Variants in ANO3 observed in about 807,000 individuals in gnomAD.
The protein encoded by ANO3 is anoctamin 3.
In ANO3, 99 loss-of-function variants were observed where a neutral mutation model predicts 144.8. The ratio of observed to expected loss-of-function variants is 0.68; its 90% CI spans 0.58 to 0.81. The LOEUF (loss-of-function observed/expected upper bound fraction) is 0.81. Among genes scored for constraint, ANO3 ranks in the 30% least tolerant of loss-of-function variants. The pLI, the probability that ANO3 is intolerant of heterozygous loss-of-function variation, is 0.00. For missense variants in ANO3, 905 were observed against 1,202.2 expected (o/e 0.75, Z 3.66); for synonymous variants, 414 against 392.6 (o/e 1.05, Z -0.64).
chr11:26,257,454 A>C (rs111537027), intron 1 of ANO3, among the ~76,000 whole-genome samples: 4,051 of 152,108 alleles, frequency 0.027, 169 homozygotes, highest in African/African-American at 0.092. Flanking sequence ...GGCCCTGCAC[A>C]CTCAATGGTT....
At chr11:26,268,184 T>C (rs1853356771) in intron 1 of ANO3, among the ~76,000 whole-genome samples, 1 of 152,190 alleles carries the variant, frequency 6.6e-6, no homozygotes, top group South Asian at 2.1e-4. Context: ...CAATATTTGT[T>C]TCAAGGTCAT....
chr11:26,383,075 G>A (rs1590313242), intron 1 of ANO3, among the ~76,000 whole-genome samples: 1 of 152,104 alleles, frequency 6.6e-6, no homozygotes, highest in Non-Finnish European at 1.5e-5. Context: ...ATGAAGTTAA[G>A]TCTGTATCCA....
At chr11:26,535,756 G>T (rs1849493546) in intron 9 of ANO3, among the ~76,000 whole-genome samples, 1 of 150,880 alleles carries the variant, frequency 6.6e-6, no homozygotes, top group Non-Finnish European at 1.5e-5. Flanking sequence ...CTAATTTTTT[G>T]TATTTTTTAG....
chr11:26,362,875 A>C (rs1321338246), intron 1 of ANO3, among the ~76,000 whole-genome samples: 2 of 152,220 alleles, frequency 1.3e-5, no homozygotes, highest in Non-Finnish European at 2.9e-5. Flanking sequence ...AATGTTTAAT[A>C]AATATTTCTT....
chr11:26,622,545 G>A (rs1173395561), intron 17 of ANO3, among the ~76,000 whole-genome samples: 1 of 152,116 alleles, frequency 6.6e-6, no homozygotes, highest in Non-Finnish European at 1.5e-5. Context: ...AGTTTAGGAT[G>A]CAGTGAGTTG....
intron 3 of ANO3, among the ~76,000 whole-genome samples, chr11:26,461,701 C>T (rs1859402042): frequency 6.6e-6 from 1 of 151,988 alleles, no homozygotes; most frequent in African/African-American, 2.4e-5. Context: ...CAAGCATGCG[C>T]TTTGGAATCA....
intron 4 of ANO3, among the ~76,000 whole-genome samples, chr11:26,481,938 A>G (rs1158538628): frequency 6.6e-6 from 1 of 151,934 alleles, no homozygotes; most frequent in African/African-American, 2.4e-5. Context: ...CTTCACCTAT[A>G]CTGGAGTGCC....
At chr11:26,413,216 C>T (rs972083771) in intron 1 of ANO3, among the ~76,000 whole-genome samples, 3 of 151,974 alleles carry the variant, frequency 2.0e-5, no homozygotes, top group African/African-American at 4.8e-5. Context: ...ATGAAGGAAA[C>T]GCTGCCTGGT....
At chr11:26,465,124 TTGTGTGTGTGTGTG>T (rs36230269) in intron 4 of ANO3, among the ~76,000 whole-genome samples, 12 of 145,400 alleles carry the variant, frequency 8.3e-5, no homozygotes, top group South Asian at 2.2e-4. Context: ...CATCATTAAA[TTGTGTGTGTGTGTG>T]TGTGTGTGTG....
intron 1 of ANO3, among the ~76,000 whole-genome samples, chr11:26,231,138 A>T (rs1392295527): frequency 6.6e-6 from 1 of 152,024 alleles, no homozygotes; most frequent in East Asian, 1.9e-4. Flanking sequence ...TGGCCTCCCA[A>T]AGTGCTGGGA....
chr11:26,510,361 C>T (rs1408825080), intron 5 of ANO3, among the ~76,000 whole-genome samples: 2 of 151,842 alleles, frequency 1.3e-5, no homozygotes, highest in African/African-American at 2.4e-5. Context: ...AAGTTTAACC[C>T]AGAATATTCC....
intron 1 of ANO3, among the ~76,000 whole-genome samples, chr11:26,285,219 T>G (rs981569633): frequency 6.6e-6 from 1 of 152,136 alleles, no homozygotes; most frequent in Admixed American, 6.5e-5. Flanking sequence ...GAGCCTGAAG[T>G]CTTAACCAAG....
intron 3 of ANO3, among the ~76,000 whole-genome samples, chr11:26,455,722 A>G (rs1859127337): frequency 6.6e-6 from 1 of 151,382 alleles, no homozygotes; most frequent in African/African-American, 2.4e-5. Flanking sequence ...GAAAAAAACT[A>G]CTTTAAAGTT....
At chr11:26,449,017 G>A (rs1858816163) in intron 3 of ANO3, among the ~76,000 whole-genome samples, 1 of 152,134 alleles carries the variant, frequency 6.6e-6, no homozygotes, top group Admixed American at 6.6e-5. Flanking sequence ...CTGTGCTCCT[G>A]TCTCTCCAGG....
At chr11:26,625,758 T>A (rs1852564662) in intron 18 of ANO3, among the ~76,000 whole-genome samples, 1 of 152,162 alleles carries the variant, frequency 6.6e-6, no homozygotes, top group South Asian at 2.1e-4. Flanking sequence ...ACTAGATGGG[T>A]TATTTTCTAG....
At chr11:26,543,050 TG>T in intron 11 of ANO3, among the ~76,000 whole-genome samples, 1 of 152,086 alleles carries the variant, frequency 6.6e-6, no homozygotes, top group African/African-American at 2.4e-5. Context: ...CAGTGACGGA[TG>T]AGGAAGCTCC....
intron 17 of ANO3, among the ~76,000 whole-genome samples, chr11:26,605,473 A>G (rs1052516114): frequency 2.0e-5 from 3 of 151,992 alleles, no homozygotes; most frequent in African/African-American, 7.3e-5. Flanking sequence ...CTCTTTTTCT[A>G]TTGTTTGGAA....
chr11:26,319,477 G>A (rs151049403), intron 1 of ANO3, among the ~76,000 whole-genome samples: 105 of 152,082 alleles, frequency 6.9e-4, no homozygotes, highest in Non-Finnish European at 3.8e-4. Flanking sequence ...TATTAATTTT[G>A]TCTCCATTGT....
At chr11:26,632,231 A>C (rs1423982487) in intron 18 of ANO3, among the ~76,000 whole-genome samples, 1 of 148,408 alleles carries the variant, frequency 6.7e-6, no homozygotes, top group Non-Finnish European at 1.5e-5. Flanking sequence ...TGACTGTCAT[A>C]TCTGACATCC....
Sources: gnomAD v4.1 joint callset for allele counts (sites outside exome capture counted in the v4.1 genomes callset) on GRCh38, gnomAD v4.1.1 for gene constraint, MANE v1.5 for transcripts, NCBI Gene and HGNC (gene_info 2026-07-23, HGNC 2026-07-21) for gene names.